Variants in C9orf153 observed in about 807,000 individuals in gnomAD.
C9orf153 encodes the protein chromosome 9 open reading frame 153.
Under a neutral mutation model 9.0 loss-of-function variants are expected in C9orf153, and 10 were observed. The ratio of observed to expected loss-of-function variants is 1.11; its 90% CI spans 0.69 to 1.89. C9orf153 has a LOEUF of 1.89. Ranked by LOEUF, C9orf153 falls within the 40% of genes most tolerant of loss-of-function variation. C9orf153 has a pLI of 0.00. For synonymous variants in C9orf153, 35 were observed against 37.3 expected, an observed-to-expected ratio of 0.94 and a Z score of 0.23; for missense variants, 108 against 111.0, an observed-to-expected ratio of 0.97 and a Z score of 0.12.
At chr9:86,224,071 A>C (rs1477437120) in intron 3 of C9orf153, among the ~76,000 whole-genome samples, 2 of 152,102 alleles carry the variant, frequency 1.3e-5, no homozygotes, top group African/African-American at 4.8e-5. Context: ...CCTGGGCAAC[A>C]TAGCAAGATA....
chr9:86,251,920 C>CACACACACACACACACAG (rs1825003558), intron 1 of C9orf153, among the ~76,000 whole-genome samples: 1 of 150,416 alleles, frequency 6.6e-6, no homozygotes, highest in Non-Finnish European at 1.5e-5. Flanking sequence ...AAACTACACA[C>CACACACACACACACACAG]ACACACACAC....
At position 86,220,850 on chromosome 9, in the gene C9orf153, A is replaced by T. The variant is rs1824184042; in HGVS notation, c.*838T>A. The T allele has an allele frequency of 6.6e-6, 1 of 152,094 alleles. No homozygotes were observed. The highest frequency in any genetic ancestry group is 1.9e-4 in the East Asian group (1 of 5,186). 9.4% of individuals were successfully genotyped at this position (152,094 alleles called of 1,614,324 possible). A position where few individuals can be genotyped will look rare whatever the true frequency, so the allele number is the denominator to read the frequency against. Reference sequence around the variant, plus strand: ...TTCTGAACTTCTCATTCTACCGTCCAATACTCTTATTTTTCTGTCTTACAG... The same window carrying T: ...TTCTGAACTTCTCATTCTACCGTCCTATACTCTTATTTTTCTGTCTTACAG... On this transcript the variant is annotated 3_prime_UTR_variant, in exon 4 of 4. Transcript: ENST00000339137.
chr9:86,229,509 C>T (rs376248915), intron 2 of C9orf153, 29 bp downstream of exon 2: 66 of 1,487,322 alleles, frequency 4.4e-5, no homozygotes, highest in South Asian at 8.0e-5. Flanking sequence ...TCCCTGTGTA[C>T]ACCTCGTTGT....
intron 1 of C9orf153, among the ~76,000 whole-genome samples, chr9:86,255,552 C>A (rs1357057003): frequency 6.6e-6 from 1 of 152,172 alleles, no homozygotes; most frequent in Non-Finnish European, 1.5e-5. Flanking sequence ...CATAGCAAGA[C>A]CACCTTTGCT....
chr9:86,257,490 A>C (rs958765065), intron 1 of C9orf153, among the ~76,000 whole-genome samples: 1 of 152,146 alleles, frequency 6.6e-6, no homozygotes, highest in Non-Finnish European at 1.5e-5. Context: ...CTCAGCTGTC[A>C]CTTTTCATCT....
At chr9:86,256,190 A>G (rs2131211427) in intron 1 of C9orf153, among the ~76,000 whole-genome samples, 1 of 152,348 alleles carries the variant, frequency 6.6e-6, no homozygotes, top group African/African-American at 2.4e-5. Context: ...TCATACCTGC[A>G]GATTTGCTTG....
chr9:86,229,238 G>T (rs2131177862), intron 2 of C9orf153, among the ~76,000 whole-genome samples: 1 of 143,874 alleles, frequency 7.0e-6, no homozygotes, highest in East Asian at 2.1e-4. Flanking sequence ...ATTGTTCTCT[G>T]GTTAATACAT....
intron 3 of C9orf153, chr9:86,227,422 C>T (rs1329773016): frequency 1.4e-6 from 2 of 1,459,490 alleles, no homozygotes; most frequent in East Asian, 2.5e-5. Flanking sequence ...ATATTAATAG[C>T]AGCCATGAAC....
intron 1 of C9orf153, among the ~76,000 whole-genome samples, chr9:86,253,270 G>A (rs1252326318): frequency 6.6e-6 from 1 of 152,304 alleles, no homozygotes; most frequent in East Asian, 1.9e-4. Context: ...ACTTTATGCA[G>A]CTGATAAAAA....
chr9:86,235,209 T>C (rs1824554526), intron 1 of C9orf153, among the ~76,000 whole-genome samples: 1 of 152,134 alleles, frequency 6.6e-6, no homozygotes, highest in South Asian at 2.1e-4. Context: ...ATTACCAGAC[T>C]GTGAATGTAA....
chr9:86,224,264 G>A (rs1824268813), intron 3 of C9orf153, among the ~76,000 whole-genome samples: 1 of 152,084 alleles, frequency 6.6e-6, no homozygotes, highest in Admixed American at 6.6e-5. Context: ...GCATGCACCT[G>A]AGGTCCCAGC....
In C9orf153 at chr9:86,228,032, TGTGG is replaced by T; in HGVS notation, c.67-6_67-3del. 1 of 1,578,700 alleles carries T rather than the reference TGTGG, an allele frequency of 6.3e-7. No individual in the cohort carries two copies. Among genetic ancestry groups the T allele is most frequent in the Admixed American group, 1.9e-5 (1 of 53,200 alleles). On this transcript the variant is annotated splice_polypyrimidine_tract_variant and splice_region_variant and intron_variant, in intron 2 of 3. Transcript: ENST00000339137. Reference sequence around the variant, plus strand: ...AATACATGCATATAATTCTGGAAGCTGTGGACAAAAAAAAAAGTGGTAAGTCACG... The same window carrying T: ...AATACATGCATATAATTCTGGAAGCTACAAAAAAAAAAGTGGTAAGTCACG...
chr9:86,225,444 TCCTCTC>T (rs1824306574), intron 3 of C9orf153, among the ~76,000 whole-genome samples: 2 of 130,462 alleles, frequency 1.5e-5, no homozygotes, highest in Non-Finnish European at 3.3e-5. Context: ...CTTCCTTCCT[TCCTCTC>T]TTTCTCTCTT....
At chr9:86,235,878 A>G (rs1453540900) in intron 1 of C9orf153, among the ~76,000 whole-genome samples, 1 of 152,056 alleles carries the variant, frequency 6.6e-6, no homozygotes, top group Admixed American at 6.6e-5. Context: ...CAGCAGAAGA[A>G]AGAAACAAAA....
intron 1 of C9orf153, among the ~76,000 whole-genome samples, chr9:86,235,606 T>C (rs1300270311): frequency 6.6e-6 from 1 of 151,226 alleles, no homozygotes; most frequent in Non-Finnish European, 1.5e-5. Context: ...AATACAAAAA[T>C]TAGCCAGGCG....
At chr9:86,231,013 T>C (rs1413683251) in intron 1 of C9orf153, among the ~76,000 whole-genome samples, 1 of 152,190 alleles carries the variant, frequency 6.6e-6, no homozygotes, top group Non-Finnish European at 1.5e-5. Context: ...CTACACATTC[T>C]TGGGAGCCTG....
chr9:86,243,427 A>C (rs1286115728), intron 1 of C9orf153, among the ~76,000 whole-genome samples: 3 of 151,038 alleles, frequency 2.0e-5, no homozygotes, highest in Admixed American at 6.6e-5. Context: ...GCCATAGAGC[A>C]CCTAAAACCC....
intron 3 of C9orf153, among the ~76,000 whole-genome samples, chr9:86,225,110 C>CA: frequency 6.6e-6 from 1 of 152,200 alleles, no homozygotes; most frequent in Admixed American, 6.5e-5. Context: ...GATAGAAGAG[C>CA]AAAACGGCAA....
At chr9:86,249,928 T>C (rs1406619419) in intron 1 of C9orf153, among the ~76,000 whole-genome samples, 1 of 152,146 alleles carries the variant, frequency 6.6e-6, no homozygotes, top group Non-Finnish European at 1.5e-5. Flanking sequence ...CATAGAAATT[T>C]ACTAGAGTAC....
Sources: allele counts gnomAD v4.1 joint callset (sites outside exome capture counted in the v4.1 genomes callset), GRCh38; gene constraint gnomAD v4.1.1; transcripts MANE v1.5; gene names NCBI Gene and HGNC (gene_info 2026-07-23, HGNC 2026-07-21).